KAZN: variants seen among roughly 807,000 people sequenced by gnomAD.
KAZN encodes kazrin.
A neutral mutation model predicts 87.4 loss-of-function variants in KAZN; 40 were observed. The ratio of observed to expected loss-of-function variants is 0.46; its 90% CI spans 0.36 to 0.60. The LOEUF (loss-of-function observed/expected upper bound fraction) is 0.60, where lower values mean the gene tolerates loss of function less well. Among genes scored for constraint, KAZN ranks in the 20% least tolerant of loss-of-function variants. The pLI is 0.00. For synonymous variants in KAZN, 466 were observed against 458.3 expected (o/e 1.02, Z -0.22); for missense variants, 898 against 1,073.9 (o/e 0.84, Z 2.29).
At chr1:14,998,994 C>A (rs114646405) in intron 2 of KAZN, among the ~76,000 whole-genome samples, 43 of 152,342 alleles carry the variant, frequency 2.8e-4, no homozygotes, top group Non-Finnish European at 5.1e-4. Context: ...CAACAGTCAC[C>A]AGGTATTTGT....
intron 1 of KAZN, among the ~76,000 whole-genome samples, chr1:14,052,890 C>G (rs1376475312): frequency 6.6e-6 from 1 of 152,166 alleles, no homozygotes; most frequent in African/African-American, 2.4e-5. Flanking sequence ...GCTGATGAGG[C>G]CCTCATTTTC....
chr1:14,247,769 G>C (rs1649644772), intron 2 of KAZN, among the ~76,000 whole-genome samples: 1 of 152,058 alleles, frequency 6.6e-6, no homozygotes, highest in Non-Finnish European at 1.5e-5. Flanking sequence ...ACAGGTTCAT[G>C]AAAGTGAGAA....
intron 2 of KAZN, among the ~76,000 whole-genome samples, chr1:14,270,289 AAATG>A (rs1651819022): frequency 6.6e-6 from 1 of 152,258 alleles, no homozygotes; most frequent in South Asian, 2.1e-4. Context: ...ATGTGTGAGA[AAATG>A]GAGGAAAGGA....
intron 1 of KAZN, among the ~76,000 whole-genome samples, chr1:13,906,432 GC>G (rs1010392079): frequency 3.9e-5 from 6 of 152,290 alleles, no homozygotes; most frequent in Admixed American, 2.0e-4. Flanking sequence ...AGGCGTAGGT[GC>G]TTATAGGTGT....
At chr1:13,984,028 T>C (rs1638886142) in intron 1 of KAZN, among the ~76,000 whole-genome samples, 1 of 152,078 alleles carries the variant, frequency 6.6e-6, no homozygotes, top group African/African-American at 2.4e-5. Context: ...TATTTTTTTT[T>C]TGAGATGGAG....
intron 1 of KAZN, among the ~76,000 whole-genome samples, chr1:14,827,291 A>C (rs1646919094): frequency 6.6e-6 from 1 of 152,124 alleles, no homozygotes; most frequent in African/African-American, 2.4e-5. Context: ...TTTGGGGTAC[A>C]GGTGGCATTT....
intron 1 of KAZN, among the ~76,000 whole-genome samples, chr1:14,662,964 CATATAT>C (rs141562526): frequency 7.8e-6 from 1 of 127,970 alleles, no homozygotes; most frequent in African/African-American, 2.9e-5. Flanking sequence ...TATATGCACA[CATATAT>C]ATATATATAT....
At chr1:14,420,916 A>ACACCTCCCCTCCACACCTCCCCTCCC (rs1665376775) in intron 2 of KAZN, among the ~76,000 whole-genome samples, 1 of 150,494 alleles carries the variant, frequency 6.6e-6, no homozygotes. Context: ...CCTCCCCTCC[A>ACACCTCCCCTCCACACCTCCCCTCCC]CACCTCCCCG....
At chr1:14,435,579 C>A (rs1666334797) in intron 2 of KAZN, among the ~76,000 whole-genome samples, 1 of 152,190 alleles carries the variant, frequency 6.6e-6, no homozygotes, top group South Asian at 2.1e-4. Flanking sequence ...CCTGCCTTCA[C>A]CCCCACCACT....
At chr1:14,887,460 A>G (rs1307274571) in intron 1 of KAZN, among the ~76,000 whole-genome samples, 1 of 152,212 alleles carries the variant, frequency 6.6e-6, no homozygotes, top group Non-Finnish European at 1.5e-5. Context: ...AGCTAGGGGT[A>G]CCACTGAGCT....
chr1:14,658,619 T>C (rs1638950342), intron 1 of KAZN, among the ~76,000 whole-genome samples: 1 of 152,210 alleles, frequency 6.6e-6, no homozygotes, highest in Non-Finnish European at 1.5e-5. Context: ...TATATATATA[T>C]ATGACAACAT....
intron 1 of KAZN, among the ~76,000 whole-genome samples, chr1:14,104,313 C>T (rs1036491770): frequency 6.6e-6 from 1 of 152,216 alleles, no homozygotes; most frequent in African/African-American, 2.4e-5. Context: ...CAACATCCCC[C>T]ATGCAAGCAG....
rs1642163962 is a variant in KAZN at position 14,048,319 on chromosome 1, T to C, written c.92-132116T>C. On this transcript the variant is annotated intron_variant, in intron 1 of 16. Coordinates refer to the KAZN transcript ENST00000636203. ...CTACCATCCTGCCCTAATTCAGGCC[T>C]CCATACTTTCCTGATTGGACTATTT... Among the ~76,000 whole-genome samples, 3 of 152,194 alleles carry C rather than the reference T, an allele frequency of 2.0e-5. No homozygotes were observed. The South Asian group carries it at 6.2e-4, about 32-fold the overall frequency.
chr1:14,160,047 T>C (rs1313870158), intron 1 of KAZN, among the ~76,000 whole-genome samples: 2 of 152,156 alleles, frequency 1.3e-5, no homozygotes, highest in Non-Finnish European at 2.9e-5. Context: ...CTGTGCAGCC[T>C]GGGGTTAAGA....
chr1:14,348,191 C>T (rs1420183380), intron 2 of KAZN, among the ~76,000 whole-genome samples: 1 of 151,682 alleles, frequency 6.6e-6, no homozygotes, highest in Non-Finnish European at 1.5e-5. Context: ...GCTGGGATTA[C>T]AGGCACACGC....
At chr1:14,516,880 C>A (rs575982502) in intron 2 of KAZN, among the ~76,000 whole-genome samples, 1 of 152,162 alleles carries the variant, frequency 6.6e-6, no homozygotes, top group Non-Finnish European at 1.5e-5. Context: ...AAAAGGCAGT[C>A]AACAAAATGT....
chr1:14,463,717 C>T (rs1244787226), intron 2 of KAZN, among the ~76,000 whole-genome samples: 1 of 152,132 alleles, frequency 6.6e-6, no homozygotes, highest in Non-Finnish European at 1.5e-5. Flanking sequence ...AGGCACCGTC[C>T]TCAGCCCAAG....
At chr1:14,375,557 T>C (rs1660835333) in intron 2 of KAZN, among the ~76,000 whole-genome samples, 1 of 152,186 alleles carries the variant, frequency 6.6e-6, no homozygotes, top group African/African-American at 2.4e-5. Flanking sequence ...ATTTTTCATC[T>C]CATGCTCAGC....
At chr1:14,285,313 T>C (rs1395774063) in intron 2 of KAZN, among the ~76,000 whole-genome samples, 1 of 152,146 alleles carries the variant, frequency 6.6e-6, no homozygotes, top group African/African-American at 2.4e-5. Flanking sequence ...GAACAAAGAG[T>C]AAACAGAGAA....
Sources: allele counts gnomAD v4.1 joint callset (sites outside exome capture counted in the v4.1 genomes callset), GRCh38; gene constraint gnomAD v4.1.1; transcripts MANE v1.5; gene names NCBI Gene and HGNC (gene_info 2026-07-23, HGNC 2026-07-21).